The following ALG12 variants were observed in gnomAD, a reference collection of about 807,000 sequenced individuals.
The protein encoded by ALG12 is dol-P-Man:Man(7)GlcNAc(2)-PP-Dol alpha-1,6-mannosyltransferase.
Under a neutral mutation model 46.0 loss-of-function variants are expected in ALG12, and 36 were observed. The ratio of observed to expected loss-of-function variants is 0.78; its 90% CI spans 0.60 to 1.03. The LOEUF is 1.03. Ranked by LOEUF, ALG12 falls within the 50% of genes least tolerant of loss-of-function variation. The pLI is 0.00. For missense variants in ALG12, 599 were observed against 633.5 expected, an observed-to-expected ratio of 0.95 and a Z score of 0.58; for synonymous variants, 326 against 291.6, an observed-to-expected ratio of 1.12 and a Z score of -1.20.
downstream of ALG12, among the ~76,000 whole-genome samples, chr22:49,899,248 G>A (rs946828856): frequency 6.6e-6 from 1 of 152,118 alleles, no homozygotes; most frequent in Non-Finnish European, 1.5e-5. Context: ...AGGCCGAGGC[G>A]AGTGGATCAC....
At chr22:49,907,611 C>A in intron 7 of ALG12, 110 bp downstream of exon 7, 3 of 1,261,578 alleles carry the variant, frequency 2.4e-6, no homozygotes, top group Non-Finnish European at 3.3e-6. Context: ...GGCGACAGAG[C>A]AAGACCCTGT....
At chr22:49,907,994 G>A (rs768499417) in intron 6 of ALG12, 50 bp from the exon 7 acceptor site, 24 of 1,580,984 alleles carry the variant, frequency 1.5e-5, no homozygotes, top group Non-Finnish European at 1.9e-5. Flanking sequence ...ATGAGCCCGT[G>A]GGCTAGGTGG....
chr22:49,884,700 G>C, the ALG12 span: 6 of 1,598,646 alleles, frequency 3.8e-6, no homozygotes, highest in Admixed American at 1.0e-4. Flanking sequence ...ACGGGGGCAC[G>C]GGCATCCCGC....
chr22:49,877,120 AT>A, the ALG12 span, among the ~76,000 whole-genome samples: 1,031 of 152,108 alleles, frequency 6.8e-3, 9 homozygotes, highest in African/African-American at 0.023. Flanking sequence ...GTGAGCTGCA[AT>A]TTTTTTTCCT....
At chr22:49,887,893 T>G in the ALG12 span, 2 of 167,274 alleles carry the variant, frequency 1.2e-5, no homozygotes, top group Non-Finnish European at 2.9e-5. Flanking sequence ...ATGTGATCCC[T>G]TTGTAACTGT....
rs2060539209 is a variant in ALG12, at chr22:49,905,832, C to T, written c.993-1326G>A. 6.6e-6 allele frequency among the ~76,000 whole-genome samples: 1 copy of T among 152,122 alleles called. No individual in the cohort carries two copies. Among genetic ancestry groups the T allele is most frequent in the South Asian group, 2.1e-4 (1 of 4,834 alleles). ...TCTGGTGCGGTTTCTGAGCTCGAGG[C>T]CCCACCTAGGATGACCGCAGCCTCC... On this transcript the variant is annotated intron_variant, in intron 7 of 9. Coordinates refer to ENST00000330817, the MANE Select transcript of ALG12 (RefSeq NM_024105.4). The surrounding 1 kb of genome is among the most constrained non-coding windows in gnomAD (Gnocchi z 4.9).
intron 1 of ALG12, among the ~76,000 whole-genome samples, chr22:49,917,403 G>T (rs576190797): frequency 6.6e-6 from 1 of 152,324 alleles, no homozygotes; most frequent in African/African-American, 2.4e-5. Flanking sequence ...AAGCATGGTG[G>T]CTCACGCCTG....
chr22:49,893,735 A>C, the ALG12 span, among the ~76,000 whole-genome samples: 5 of 152,208 alleles, frequency 3.3e-5, no homozygotes, highest in Admixed American at 1.3e-4. Flanking sequence ...AAAGCTAAAT[A>C]AATAATAGAC....
chr22:49,910,115 G>A (rs779194721), intron 4 of ALG12, 27 bp from the exon 5 acceptor site: 36 of 1,578,608 alleles, frequency 2.3e-5, no homozygotes, highest in South Asian at 4.6e-5. Flanking sequence ...GAGGGTGCTC[G>A]TCAAGACACA....
chr22:49,897,716 G>A (rs936461738), downstream of ALG12, among the ~76,000 whole-genome samples: 5 of 137,836 alleles, frequency 3.6e-5, no homozygotes, highest in African/African-American at 1.4e-4. Flanking sequence ...CGCCCAGGCT[G>A]CCGTGCTGTG....
At chr22:49,886,279 C>T in the ALG12 span, 1 of 1,389,950 alleles carries the variant, frequency 7.2e-7, no homozygotes, top group Non-Finnish European at 1.0e-6. This position sits in a 1 kb window ranked among gnomAD's most constrained non-coding sequence, Gnocchi z 7.7. Context: ...ACTGGCCGAG[C>T]TGCAGAGGGA....
downstream of ALG12, among the ~76,000 whole-genome samples, chr22:49,895,762 A>C (rs531668000): frequency 1.3e-5 from 2 of 152,294 alleles, no homozygotes; most frequent in African/African-American, 4.8e-5. Flanking sequence ...TATTGAGGTT[A>C]CTAATTAAAA....
At position 49,913,292 on chromosome 22, in the gene ALG12, C is replaced by T. The variant is rs56377703; in HGVS notation, c.295+93G>A. 312,916 of 1,572,494 alleles carry T rather than the reference C, an allele frequency of 0.2. 33,481 individuals are homozygous for T. Among genetic ancestry groups the T allele is most frequent in the South Asian group, 0.34 (30,650 of 89,698 alleles). On this transcript the variant is annotated intron_variant, in intron 3 of 9. Transcript: ENST00000330817. ...GAGGGCAGGCAAGACTAACAGACAG[C>T]GTTCCTGGGCAGGAGGGACCGCGGC...
the ALG12 span, among the ~76,000 whole-genome samples, chr22:49,875,466 G>A: frequency 6.8e-6 from 1 of 147,700 alleles, no homozygotes; most frequent in East Asian, 2.0e-4. Flanking sequence ...TGTCACCCAG[G>A]CTGGAGTACA....
chr22:49,910,713 G>C (rs1169950320), intron 3 of ALG12, 106 bp from the exon 4 acceptor site: 5 of 1,345,898 alleles, frequency 3.7e-6, no homozygotes, highest in Non-Finnish European at 5.3e-6. Context: ...AGTTTTCTAT[G>C]CTGCTGCAAT....
chr22:49,902,916 T>A lies in ALG12; in HGVS notation c.*922A>T. 4.7e-6 allele frequency: 1 copy of A among 211,310 alleles called. No homozygotes were observed. Among genetic ancestry groups the A allele is most frequent in the South Asian group, 4.7e-5 (1 of 21,074 alleles). The allele number at this position is 211,310 out of a possible 1,614,324, so 13.1% of individuals were successfully genotyped here. On this transcript the variant is annotated 3_prime_UTR_variant, in exon 10 of 10. Coordinates refer to ENST00000330817, the MANE Select transcript of ALG12 (RefSeq NM_024105.4). Reference sequence around the variant, plus strand: ...CACTGTGTGTGGTGTGTATGCATGGTGTGTGCACGTGTGCACGGTGTGTGG... The same window carrying A: ...CACTGTGTGTGGTGTGTATGCATGGAGTGTGCACGTGTGCACGGTGTGTGG...
At chr22:49,859,556 C>T in the ALG12 span, among the ~76,000 whole-genome samples, 1 of 152,220 alleles carries the variant, frequency 6.6e-6, no homozygotes, top group East Asian at 1.9e-4. Context: ...GCCTGGGTTC[C>T]TTTTAGTGCA....
chr22:49,888,208 T>C, the ALG12 span: 1 of 167,184 alleles, frequency 6.0e-6, no homozygotes, highest in Non-Finnish European at 1.5e-5. Context: ...GAAGTGTCAG[T>C]TGTCAGATGA....
chr22:49,903,987 G>A lies in ALG12; in HGVS notation c.1318C>T (p.Leu440Phe). 1.9e-6 allele frequency: 3 copies of A among 1,614,222 alleles called. No individual in the cohort carries two copies. Among genetic ancestry groups the A allele is most frequent in the Non-Finnish European group, 2.5e-6 (3 of 1,180,022 alleles). ...THILMEAAPG[L>F]LALYRDTHRV... ...TGTGTGTCCCTGTAGAGGGCCAGGAGCCCAGGGGCCGCCTCCATGAGGATG... is the reference window on the plus strand; with the variant it reads ...TGTGTGTCCCTGTAGAGGGCCAGGAACCCAGGGGCCGCCTCCATGAGGATG... The change falls in exon 10 of 10, where the codon CTC (leucine) becomes TTC (phenylalanine). Residue 440 changes from leucine (L) to phenylalanine (F), a missense_variant. By Grantham distance (22) the Leu-to-Phe change is conservative (BLOSUM62 0). Transcript: ENST00000330817.
Sources: allele counts gnomAD v4.1 joint callset (sites outside exome capture counted in the v4.1 genomes callset), GRCh38; gene constraint gnomAD v4.1.1; non-coding constraint Gnocchi (gnomAD v3.1); transcripts MANE v1.5; gene names NCBI Gene and HGNC (gene_info 2026-07-23, HGNC 2026-07-21).